The following RIT2 variants were observed in gnomAD, a reference collection of about 807,000 sequenced individuals.
The protein encoded by RIT2 is GTP-binding protein Rit2.
Under a neutral mutation model 23.7 loss-of-function variants are expected in RIT2, and 24 were observed. The observed-to-expected ratio is 1.01, with a 90% CI of 0.73 to 1.43. RIT2 has a LOEUF of 1.43. Among genes scored for constraint, RIT2 ranks in the 40% most tolerant of loss-of-function variants. RIT2 has a pLI of 0.00. For synonymous variants in RIT2, 107 were observed against 91.1 expected (o/e 1.17, Z -0.99); for missense variants, 236 against 266.9 (o/e 0.88, Z 0.81).
intron 4 of RIT2, among the ~76,000 whole-genome samples, chr18:42,802,558 G>C (rs1418272195): frequency 6.6e-6 from 1 of 152,106 alleles, no homozygotes; most frequent in African/African-American, 2.4e-5. Flanking sequence ...ACATTGACAA[G>C]ATAAAAAATG....
intron 4 of RIT2, among the ~76,000 whole-genome samples, chr18:42,838,343 T>C (rs1336365752): frequency 6.6e-6 from 1 of 152,148 alleles, no homozygotes; most frequent in Non-Finnish European, 1.5e-5. Context: ...CTGCATATCA[T>C]TTTTGGTTAA....
At chr18:43,095,354 T>C (rs1913527595) in intron 1 of RIT2, among the ~76,000 whole-genome samples, 1 of 151,982 alleles carries the variant, frequency 6.6e-6, no homozygotes, top group African/African-American at 2.4e-5. Context: ...GCTGCACGAA[T>C]GTCTTCTTTT....
chr18:42,881,756 T>C (rs1271883149), intron 4 of RIT2, among the ~76,000 whole-genome samples: 1 of 152,226 alleles, frequency 6.6e-6, no homozygotes, highest in African/African-American at 2.4e-5. Context: ...TTATAACTAT[T>C]GCTTAGCACT....
intron 1 of RIT2, among the ~76,000 whole-genome samples, chr18:43,068,215 A>C (rs567917148): frequency 6.6e-6 from 1 of 152,280 alleles, no homozygotes; most frequent in Non-Finnish European, 1.5e-5. Flanking sequence ...ATCTCATTTA[A>C]GGCTCACAAT....
intron 4 of RIT2, among the ~76,000 whole-genome samples, chr18:42,869,513 T>C (rs1200571154): frequency 6.6e-6 from 1 of 152,254 alleles, no homozygotes; most frequent in African/African-American, 2.4e-5. Flanking sequence ...CACTAAGTAT[T>C]GGAAAATACT....
At chr18:42,918,931 T>G (rs1390801377) in intron 4 of RIT2, among the ~76,000 whole-genome samples, 1 of 152,160 alleles carries the variant, frequency 6.6e-6, no homozygotes, top group Non-Finnish European at 1.5e-5. Context: ...TCTTCAAATG[T>G]GCTACCCACA....
chr18:42,911,865 A>G (rs543217755), intron 4 of RIT2, among the ~76,000 whole-genome samples: 34 of 152,036 alleles, frequency 2.2e-4, no homozygotes, highest in Admixed American at 4.6e-4. Context: ...AATATTCAAA[A>G]AAGAGTTAAC....
At chr18:42,998,813 T>C (rs60477389) in intron 2 of RIT2, among the ~76,000 whole-genome samples, 2,883 of 152,180 alleles carry the variant, frequency 0.019, 98 homozygotes, top group African/African-American at 0.066. Context: ...TAACGCCTCT[T>C]CATTCTTTTG....
chr18:42,893,891 C>T (rs1269117012), intron 4 of RIT2, among the ~76,000 whole-genome samples: 1 of 152,106 alleles, frequency 6.6e-6, no homozygotes, highest in Admixed American at 6.6e-5. Flanking sequence ...AGTGGCTTAA[C>T]TCACAAGATT....
At chr18:42,993,714 C>A (rs1235570520) in intron 2 of RIT2, among the ~76,000 whole-genome samples, 1 of 152,022 alleles carries the variant, frequency 6.6e-6, no homozygotes, top group Non-Finnish European at 1.5e-5. Flanking sequence ...TGCCACCTTT[C>A]CCCCAGTTCA....
intron 1 of RIT2, among the ~76,000 whole-genome samples, chr18:43,086,265 G>A (rs1360811081): frequency 6.6e-6 from 1 of 152,036 alleles, no homozygotes; most frequent in Admixed American, 6.6e-5. Flanking sequence ...TGGATTAGGG[G>A]TATTCAAGTT....
rs187298730 is a variant in RIT2 at position 43,005,987 on chromosome 18, C to T, written c.160+27824G>A. 5.0e-3 allele frequency among the ~76,000 whole-genome samples: 753 copies of T among 151,502 alleles called. 2 individuals carry two copies. The highest frequency in any genetic ancestry group is 0.021 in the Middle Eastern group (6 of 292). ...AAGTAGAAAGCTCCCTCAATGCTTC[C>T]GAAACTATTTAATTAAAGTCTTTTT... On this transcript the variant is annotated intron_variant, in intron 2 of 4. Coordinates refer to ENST00000326695, the MANE Select transcript of RIT2 (RefSeq NM_002930.4).
At chr18:42,888,564 T>A (rs1908089515) in intron 4 of RIT2, among the ~76,000 whole-genome samples, 1 of 151,794 alleles carries the variant, frequency 6.6e-6, no homozygotes, top group South Asian at 2.1e-4. Flanking sequence ...CCTGGGTATA[T>A]ACCCAAAAGA....
At chr18:42,873,655 G>A (rs775117251) in intron 4 of RIT2, among the ~76,000 whole-genome samples, 4 of 151,934 alleles carry the variant, frequency 2.6e-5, no homozygotes, top group Admixed American at 1.3e-4. Flanking sequence ...ACATTAACAC[G>A]GAAGAAACAG....
intron 1 of RIT2, among the ~76,000 whole-genome samples, chr18:43,063,184 A>G (rs188601709): frequency 2.0e-5 from 3 of 152,322 alleles, no homozygotes; most frequent in Non-Finnish European, 4.4e-5. Context: ...GAGATAATAC[A>G]TCTTATAAAT....
At chr18:42,915,613 G>A (rs954070476) in intron 4 of RIT2, among the ~76,000 whole-genome samples, 1 of 151,974 alleles carries the variant, frequency 6.6e-6, no homozygotes, top group Non-Finnish European at 1.5e-5. Flanking sequence ...AAAGCAAACA[G>A]TTACAATGTC....
chr18:43,032,406 G>C (rs1911877675), intron 2 of RIT2, among the ~76,000 whole-genome samples: 1 of 152,010 alleles, frequency 6.6e-6, no homozygotes, highest in South Asian at 2.1e-4. Context: ...ATAAACAACT[G>C]AGTGAATTTC....
At chr18:42,963,367 A>G (rs1910135393) in intron 3 of RIT2, among the ~76,000 whole-genome samples, 1 of 152,198 alleles carries the variant, frequency 6.6e-6, no homozygotes, top group African/African-American at 2.4e-5. Flanking sequence ...AACATCCATC[A>G]TATCTGGAAA....
At chr18:42,979,253 T>G (rs1268106657) in intron 2 of RIT2, among the ~76,000 whole-genome samples, 2 of 152,048 alleles carry the variant, frequency 1.3e-5, no homozygotes, top group African/African-American at 2.4e-5. Flanking sequence ...TTAAAATATT[T>G]TAGTTGCAAA....
Sources: gnomAD v4.1 joint callset for allele counts (sites outside exome capture counted in the v4.1 genomes callset) on GRCh38, gnomAD v4.1.1 for gene constraint, MANE v1.5 for transcripts, NCBI Gene and HGNC (gene_info 2026-07-23, HGNC 2026-07-21) for gene names.